The following FAM178B variants were observed in gnomAD, a reference collection of about 807,000 sequenced individuals.
The protein encoded by FAM178B is family with sequence similarity 178 member B.
A neutral mutation model predicts 91.7 loss-of-function variants in FAM178B; 82 were observed. The ratio of observed to expected loss-of-function variants is 0.89; its 90% CI spans 0.75 to 1.07. The LOEUF (loss-of-function observed/expected upper bound fraction) is 1.07, where lower values mean the gene tolerates loss of function less well. Among genes scored for constraint, FAM178B ranks in the 50% least tolerant of loss-of-function variants. FAM178B has a pLI of 0.00. For missense variants in FAM178B, 769 were observed against 846.7 expected (o/e 0.91, Z 1.14); for synonymous variants, 368 against 359.4 (o/e 1.02, Z -0.27).
chr2:96,985,408 A>T (rs2082410451), intron 1 of FAM178B, among the ~76,000 whole-genome samples: 1 of 152,048 alleles, frequency 6.6e-6, no homozygotes, highest in South Asian at 2.1e-4. Flanking sequence ...GTCTCCCCGA[A>T]TCCTGCAAAC....
chr2:96,903,286 G>A (rs926072519), intron 12 of FAM178B, among the ~76,000 whole-genome samples: 4 of 152,176 alleles, frequency 2.6e-5, no homozygotes, highest in African/African-American at 2.4e-5. Context: ...TGATCCGCTC[G>A]CTTCAGCCTC....
rs60102987 is a variant in FAM178B at position 96,930,210 on chromosome 2, CAAAAAAAAAAAAAAAAAAAAA to C, written c.1079-911_1079-891del. ...GTGACAGAGCGAGACTCCGTCTCTC[CAAAAAAAAAAAAAAAAAAAAA>C]AAAAAAAAAAAAATCTGACCACGTC... On this transcript the variant is annotated intron_variant, in intron 8 of 16. Transcript: ENST00000490605. 3.5e-4 allele frequency among the ~76,000 whole-genome samples: 14 copies of C among 39,490 alleles called. No individual in the cohort carries two copies. In the South Asian group the frequency reaches 0.012, roughly 34 times the overall value. The allele number at this position is 39,490 out of a possible 152,430, so 25.9% of individuals were successfully genotyped here. A position where few individuals can be genotyped will look rare whatever the true frequency, so the allele number is the denominator to read the frequency against.
chr2:96,905,349 G>C (rs993325160), intron 12 of FAM178B, among the ~76,000 whole-genome samples: 1 of 151,980 alleles, frequency 6.6e-6, no homozygotes, highest in African/African-American at 2.4e-5. Context: ...TTTGAGGTCA[G>C]GAATTCAAGA....
intron 13 of FAM178B, among the ~76,000 whole-genome samples, chr2:96,899,962 G>A (rs1334908626): frequency 1.3e-5 from 2 of 148,270 alleles, no homozygotes; most frequent in African/African-American, 5.0e-5. Context: ...TGGGCCCAAC[G>A]ACCCAGCCCT....
intron 8 of FAM178B, among the ~76,000 whole-genome samples, chr2:96,945,933 T>A (rs1030478328): frequency 6.6e-6 from 1 of 152,166 alleles, no homozygotes; most frequent in Non-Finnish European, 1.5e-5. Flanking sequence ...ACCACTACCA[T>A]CCATCTCCGA....
chr2:96,949,722 G>A (rs1184437239), intron 7 of FAM178B, among the ~76,000 whole-genome samples: 1 of 152,240 alleles, frequency 6.6e-6, no homozygotes, highest in Non-Finnish European at 1.5e-5. Context: ...ATTCAGCCAT[G>A]GGGGATGGGA....
At chr2:96,886,917 T>A (rs1008304918) in intron 14 of FAM178B, among the ~76,000 whole-genome samples, 6 of 151,644 alleles carry the variant, frequency 4.0e-5, no homozygotes, top group East Asian at 1.9e-4. Flanking sequence ...GGCTCATTTT[T>A]AAAAAAAAAC....
At chr2:96,928,460 C>A (rs956988702) in intron 9 of FAM178B, among the ~76,000 whole-genome samples, 4 of 152,138 alleles carry the variant, frequency 2.6e-5, no homozygotes, top group Admixed American at 6.5e-5. Flanking sequence ...CATGACTGTC[C>A]ACGAGCAAGT....
At position 96,930,427 on chromosome 2, in the gene FAM178B, G is replaced by A. The variant is rs147588963; in HGVS notation, c.1079-1107C>T. Among the ~76,000 whole-genome samples, 554 of 152,154 alleles carry A rather than the reference G, an allele frequency of 3.6e-3. 2 individuals carry two copies. Among genetic ancestry groups the A allele is most frequent in the African/African-American group, 0.013 (541 of 41,518 alleles). ...TCCTGCCCCATGTGTTCTCTGCACC[G>A]TGAGCTCCCACACCTCATCCAGGGA... On this transcript the variant is annotated intron_variant, in intron 8 of 16. Coordinates refer to ENST00000490605, the MANE Select transcript of FAM178B (RefSeq NM_001122646.3).
chr2:96,947,158 T>C (rs2081843218), intron 8 of FAM178B, among the ~76,000 whole-genome samples: 1 of 152,144 alleles, frequency 6.6e-6, no homozygotes, highest in Non-Finnish European at 1.5e-5. Context: ...GTGTCTAGGT[T>C]CAGGTACCAA....
intron 12 of FAM178B, among the ~76,000 whole-genome samples, chr2:96,918,322 T>G (rs1361301305): frequency 6.6e-6 from 1 of 151,982 alleles, no homozygotes; most frequent in East Asian, 1.9e-4. Context: ...AGAAGATAAA[T>G]TAACTGATAG....
chr2:96,950,308 C>T (rs1001018814), intron 7 of FAM178B, among the ~76,000 whole-genome samples: 5 of 152,216 alleles, frequency 3.3e-5, no homozygotes, highest in African/African-American at 1.2e-4. Context: ...ACCCACTGCT[C>T]CTTCTGGGCC....
intron 12 of FAM178B, among the ~76,000 whole-genome samples, chr2:96,909,700 C>T (rs2081119375): frequency 6.6e-6 from 1 of 152,156 alleles, no homozygotes. Flanking sequence ...AATCCCATTT[C>T]CCAGATCCTG....
At position 96,986,327 on chromosome 2, in the gene FAM178B, C is replaced by T; in HGVS notation, c.-14G>A. The T allele has an allele frequency of 6.5e-7, 1 of 1,533,610 alleles. No homozygotes were observed. The highest frequency in any genetic ancestry group is 1.2e-5 in the South Asian group (1 of 83,936). ...CCTTGGCCACATAGGGCGGGAAGGG[C>T]AGGGCTCCGGGGTGAGGGAGGGTGG... is the stretch of plus-strand genomic sequence containing the variant. On this transcript the variant is annotated 5_prime_UTR_variant, in exon 1 of 17. Transcript: ENST00000490605.
intron 14 of FAM178B, among the ~76,000 whole-genome samples, chr2:96,886,722 G>A (rs1001559504): frequency 2.0e-5 from 3 of 152,200 alleles, no homozygotes; most frequent in African/African-American, 4.8e-5. Context: ...GGCCATGGTC[G>A]GCCTGGGAGC....
chr2:96,902,753 G>C, intron 12 of FAM178B, 46 bp from the exon 13 acceptor site: 1 of 1,449,228 alleles, frequency 6.9e-7, no homozygotes, highest in Non-Finnish European at 9.5e-7. Context: ...TGGAAGTCGG[G>C]GAGCCCGAGC....
chr2:96,909,561 T>A (rs530339143), intron 12 of FAM178B, among the ~76,000 whole-genome samples: 5 of 152,072 alleles, frequency 3.3e-5, no homozygotes, highest in Non-Finnish European at 7.4e-5. Context: ...GCCCTGGGGG[T>A]TGTCAATGTT....
chr2:96,892,230 C>A (rs115251767), intron 14 of FAM178B, among the ~76,000 whole-genome samples: 2,046 of 152,296 alleles, frequency 0.013, 55 homozygotes, highest in African/African-American at 0.046. Context: ...AGCCCAGGGG[C>A]CTGTTTCACA....
intron 14 of FAM178B, among the ~76,000 whole-genome samples, chr2:96,885,527 A>G (rs1395730420): frequency 6.6e-6 from 1 of 152,170 alleles, no homozygotes; most frequent in African/African-American, 2.4e-5. Flanking sequence ...CTGGGGAGGG[A>G]AAGAGATGGA....
Sources: allele counts gnomAD v4.1 joint callset (sites outside exome capture counted in the v4.1 genomes callset), GRCh38; gene constraint gnomAD v4.1.1; transcripts MANE v1.5; gene names NCBI Gene and HGNC (gene_info 2026-07-23, HGNC 2026-07-21).